The following THSD4 variants were observed in gnomAD, a reference collection of about 807,000 sequenced individuals.
THSD4 encodes the protein thrombospondin type 1 domain containing 4.
In THSD4, 69 loss-of-function variants were observed where a neutral mutation model predicts 119.0. The observed-to-expected ratio is 0.58, with a 90% CI of 0.48 to 0.71. The LOEUF (loss-of-function observed/expected upper bound fraction) is 0.71, where lower values mean the gene tolerates loss of function less well. Ranked by LOEUF, THSD4 falls within the 30% of genes least tolerant of loss-of-function variation. THSD4 has a pLI of 0.00. For synonymous variants in THSD4, 524 were observed against 540.4 expected, an observed-to-expected ratio of 0.97 and a Z score of 0.42; for missense variants, 1,393 against 1,391.1, an observed-to-expected ratio of 1.00 and a Z score of -0.02.
intron 8 of THSD4, among the ~76,000 whole-genome samples, chr15:71,669,816 G>T (rs2051487538): frequency 1.3e-5 from 2 of 152,000 alleles, no homozygotes; most frequent in South Asian, 4.1e-4. Context: ...GAGTGTGCGT[G>T]GGCAGGGGTC....
chr15:71,475,133 C>G (rs894484689), intron 7 of THSD4, among the ~76,000 whole-genome samples: 2 of 152,148 alleles, frequency 1.3e-5, no homozygotes, highest in Non-Finnish European at 2.9e-5. Context: ...ATGCCCTAAC[C>G]TATAACTTTA....
At chr15:71,163,185 A>G (rs2043262455) in intron 3 of THSD4, among the ~76,000 whole-genome samples, 2 of 151,290 alleles carry the variant, frequency 1.3e-5, no homozygotes, top group South Asian at 4.2e-4. Flanking sequence ...TTAGGGGTAT[A>G]ATATTTCCTT....
intron 7 of THSD4, among the ~76,000 whole-genome samples, chr15:71,414,944 C>T (rs577902519): frequency 1.3e-5 from 2 of 152,328 alleles, no homozygotes; most frequent in East Asian, 1.9e-4. Flanking sequence ...ATCAGAAGTA[C>T]ATTTGCTTCC....
At chr15:71,613,225 G>T (rs980096248) in intron 7 of THSD4, among the ~76,000 whole-genome samples, 2 of 152,172 alleles carry the variant, frequency 1.3e-5, no homozygotes, top group African/African-American at 4.8e-5. Context: ...TTCAAGAAAT[G>T]CCGTGTATTA....
chr15:71,165,366 T>C lies in THSD4; in HGVS notation c.99+10434T>C, dbSNP rs2043285858. 7.3e-6 allele frequency: 11 copies of C among 1,497,248 alleles called. No individual in the cohort carries two copies. In the East Asian group the frequency reaches 2.3e-4, roughly 31 times the overall value. 92.7% of individuals were successfully genotyped at this position (1,497,248 alleles called of 1,614,324 possible). On this transcript the variant is annotated intron_variant, in intron 3 of 17. Transcript: ENST00000261862. ...CTCCTCCCGACGTTTGCACAAAAAA[T>C]GCATATGATGACATTTTGCCTCTCA...
chr15:71,150,215 G>A (rs958391103), intron 2 of THSD4, among the ~76,000 whole-genome samples: 3 of 152,196 alleles, frequency 2.0e-5, no homozygotes, highest in African/African-American at 7.2e-5. Context: ...CACACACAGA[G>A]ACACATGCAT....
At chr15:71,168,964 G>A (rs939198226) in intron 3 of THSD4, among the ~76,000 whole-genome samples, 2 of 152,126 alleles carry the variant, frequency 1.3e-5, no homozygotes, top group Non-Finnish European at 2.9e-5. Flanking sequence ...TACTACATTC[G>A]AGTCGAGGTT....
intron 7 of THSD4, among the ~76,000 whole-genome samples, chr15:71,564,609 T>C (rs2049187227): frequency 1.3e-5 from 2 of 148,704 alleles, no homozygotes; most frequent in South Asian, 4.3e-4. Flanking sequence ...CCACATATTG[T>C]ACATTATGCG....
At chr15:71,252,586 G>A (rs780226167) in intron 5 of THSD4, among the ~76,000 whole-genome samples, 2 of 152,158 alleles carry the variant, frequency 1.3e-5, no homozygotes, top group Non-Finnish European at 2.9e-5. Flanking sequence ...CTTGTCTGGG[G>A]ACCCATCACA....
chr15:71,425,614 T>A (rs896188893), intron 7 of THSD4, among the ~76,000 whole-genome samples: 1 of 152,174 alleles, frequency 6.6e-6, no homozygotes, highest in Non-Finnish European at 1.5e-5. Context: ...GCCTACTGGT[T>A]GGTGCTTTCA....
intron 7 of THSD4, among the ~76,000 whole-genome samples, chr15:71,552,970 C>T (rs2048955567): frequency 6.6e-6 from 1 of 152,194 alleles, no homozygotes; most frequent in African/African-American, 2.4e-5. Flanking sequence ...ATTGTAAAAA[C>T]AAATTCAAGC....
chr15:71,486,636 T>A (rs1235184696), intron 7 of THSD4, among the ~76,000 whole-genome samples: 4 of 102,246 alleles, frequency 3.9e-5, no homozygotes, highest in East Asian at 2.6e-4. Flanking sequence ...TTTTTTTTTT[T>A]ATTTCCCACT....
intron 7 of THSD4, among the ~76,000 whole-genome samples, chr15:71,477,316 G>A (rs1031006184): frequency 6.6e-6 from 1 of 152,276 alleles, no homozygotes; most frequent in East Asian, 1.9e-4. Flanking sequence ...AAAGCTCCGA[G>A]CATATGTGTG....
At chr15:71,617,354 C>T (rs1033313431) in intron 7 of THSD4, among the ~76,000 whole-genome samples, 109 of 151,998 alleles carry the variant, frequency 7.2e-4, no homozygotes, top group Non-Finnish European at 2.9e-4. Context: ...TAATTAATAT[C>T]ATCATTTGAT....
intron 7 of THSD4, among the ~76,000 whole-genome samples, chr15:71,545,671 G>A (rs1482024667): frequency 6.6e-6 from 1 of 152,186 alleles, no homozygotes; most frequent in Non-Finnish European, 1.5e-5. Flanking sequence ...TAGTTAGGTA[G>A]CAGAACAGAA....
chr15:71,333,869 C>G (rs2045459110), intron 6 of THSD4, among the ~76,000 whole-genome samples: 2 of 152,180 alleles, frequency 1.3e-5, no homozygotes, highest in African/African-American at 2.4e-5. Context: ...CAAGATAATG[C>G]TACAGAAGGT....
chr15:71,317,459 G>A (rs888705252), intron 6 of THSD4, among the ~76,000 whole-genome samples: 1 of 152,184 alleles, frequency 6.6e-6, no homozygotes, highest in African/African-American at 2.4e-5. Context: ...GAGAGCATGT[G>A]CAGGGGAACT....
intron 8 of THSD4, among the ~76,000 whole-genome samples, chr15:71,723,960 G>T (rs1388115128): frequency 6.6e-6 from 1 of 151,750 alleles, no homozygotes; most frequent in Non-Finnish European, 1.5e-5. Context: ...GGAAGCTGAG[G>T]TGGGAACATT....
intron 6 of THSD4, among the ~76,000 whole-genome samples, chr15:71,282,579 C>T (rs2044666039): frequency 6.6e-6 from 1 of 152,162 alleles, no homozygotes; most frequent in African/African-American, 2.4e-5. Context: ...TGACGGTCCA[C>T]ATAGGCCAAC....
Sources: gnomAD v4.1 joint callset for allele counts (sites outside exome capture counted in the v4.1 genomes callset) on GRCh38, gnomAD v4.1.1 for gene constraint, MANE v1.5 for transcripts, NCBI Gene and HGNC (gene_info 2026-07-23, HGNC 2026-07-21) for gene names.